GFM1: variants seen among roughly 807,000 people sequenced by gnomAD.
GFM1 encodes the protein G elongation factor mitochondrial 1, also known as elongation factor G, mitochondrial.
In GFM1, 62 loss-of-function variants were observed where a neutral mutation model predicts 96.2. The observed-to-expected ratio is 0.64, with a 90% CI of 0.53 to 0.80. GFM1 has a LOEUF of 0.80. Among genes scored for constraint, GFM1 ranks in the 30% least tolerant of loss-of-function variants. GFM1 has a pLI of 0.00. For synonymous variants in GFM1, 282 were observed against 312.9 expected (o/e 0.90, Z 1.04); for missense variants, 852 against 916.6 (o/e 0.93, Z 0.91).
chr3:158,670,859 G>A (rs1321955098), intron 13 of GFM1: 9 of 1,300,724 alleles, frequency 6.9e-6, no homozygotes, highest in African/African-American at 3.1e-5. Flanking sequence ...GCCTGAGCCC[G>A]GGAAGTTGAG....
intron 13 of GFM1, among the ~76,000 whole-genome samples, chr3:158,668,721 G>A (rs559171915): frequency 7.2e-5 from 11 of 152,234 alleles, no homozygotes; most frequent in Non-Finnish European, 1.5e-4. Flanking sequence ...AACTAACAAA[G>A]CACAGTTATT....
intron 5 of GFM1, 123 bp from the exon 6 acceptor site, chr3:158,651,973 G>T: frequency 1.3e-6 from 1 of 773,376 alleles, no homozygotes; most frequent in Non-Finnish European, 2.2e-6. Context: ...CCATTTGAAT[G>T]CAAATGTATC....
At chr3:158,658,574 C>A (rs185759558) in intron 8 of GFM1, among the ~76,000 whole-genome samples, 1 of 152,082 alleles carries the variant, frequency 6.6e-6, no homozygotes, top group Admixed American at 6.6e-5. Flanking sequence ...TCCAAGTATA[C>A]CTTTTTTTTG....
chr3:158,648,857 T>G (rs914715723), intron 4 of GFM1, among the ~76,000 whole-genome samples, 184 bp from the exon 5 acceptor site: 2 of 152,180 alleles, frequency 1.3e-5, no homozygotes, highest in African/African-American at 4.8e-5. Context: ...TGTGGCTTCC[T>G]GAGCTCCTTG....
intron 2 of GFM1, 176 bp from the exon 3 acceptor site, chr3:158,645,989 C>A: frequency 1.1e-6 from 1 of 882,722 alleles, no homozygotes; most frequent in Non-Finnish European, 1.8e-6. Flanking sequence ...CACTTTGTTG[C>A]TCAGGCTGGT....
At chr3:158,645,481 G>T in intron 1 of GFM1, 148 bp from the exon 2 acceptor site, 1 of 709,766 alleles carries the variant, frequency 1.4e-6, no homozygotes. Context: ...AGAGTTCCAG[G>T]CTTAAAGGTT....
At chr3:158,678,311 C>T (rs1364320995) in intron 13 of GFM1, among the ~76,000 whole-genome samples, 7 of 152,098 alleles carry the variant, frequency 4.6e-5, no homozygotes, top group African/African-American at 7.2e-5. Flanking sequence ...TTTTGTAAGG[C>T]GATCGCTGCC....
intron 13 of GFM1, chr3:158,669,458 T>C (rs1286815437): frequency 1.8e-5 from 29 of 1,612,890 alleles, no homozygotes; most frequent in Non-Finnish European, 2.4e-5. Flanking sequence ...CTTCTAGCGG[T>C]TCCTTCATGG....
intron 9 of GFM1, 63 bp from the exon 10 acceptor site, chr3:158,660,811 T>A: frequency 7.2e-7 from 1 of 1,393,892 alleles, no homozygotes; most frequent in African/African-American, 1.4e-5. Context: ...AGTTTACTTT[T>A]TAGTTACCAC....
chr3:158,647,191 T>C (rs1194792350), intron 4 of GFM1, among the ~76,000 whole-genome samples: 1 of 152,194 alleles, frequency 6.6e-6, no homozygotes, highest in Non-Finnish European at 1.5e-5. Flanking sequence ...TGAAGATGAA[T>C]TCAGAAAACA....
chr3:158,675,933 T>G (rs6441219), intron 13 of GFM1, among the ~76,000 whole-genome samples: 63,193 of 152,054 alleles, frequency 0.42, 14,279 homozygotes, highest in African/African-American at 0.6. Context: ...ATATGTGTTG[T>G]TTTGCCACCT....
chr3:158,672,401 C>A, intron 13 of GFM1: 1 of 1,614,062 alleles, frequency 6.2e-7, no homozygotes, highest in Non-Finnish European at 8.5e-7. Context: ...TGTGCGGGGT[C>A]CCCTGCTGGT....
rs752520679 is a variant in GFM1 at position 158,658,966 on chromosome 3, A to G, written c.1128A>G (p.Gly376=). ...TAACTTATGTTCGCAGTTATCAGGG[A>G]GAGCTAAAGAAGGGTGACACCATCT... ...GQLTYVRSYQ[G]ELKKGDTIYN... Residue 376 remains glycine, a synonymous_variant, in exon 9 of 18, where the codon GGA becomes GGG. Transcript: ENST00000486715. The G allele has an allele frequency of 6.2e-7, 1 of 1,614,132 alleles. No individual in the cohort carries two copies. Among genetic ancestry groups the G allele is most frequent in the Non-Finnish European group, 8.5e-7 (1 of 1,179,996 alleles).
intron 13 of GFM1, chr3:158,672,417 A>G: frequency 6.2e-7 from 1 of 1,613,920 alleles, no homozygotes. Flanking sequence ...CTGGTAGTTG[A>G]TGTAGTTCTG....
intron 13 of GFM1, among the ~76,000 whole-genome samples, chr3:158,676,216 G>A (rs1419970107): frequency 1.3e-5 from 2 of 152,172 alleles, no homozygotes; most frequent in Non-Finnish European, 2.9e-5. Flanking sequence ...GCGATGAGCC[G>A]AGATTGCACC....
intron 4 of GFM1, among the ~76,000 whole-genome samples, chr3:158,647,896 T>C (rs1317537767): frequency 1.3e-5 from 2 of 152,200 alleles, no homozygotes; most frequent in African/African-American, 2.4e-5. Context: ...ATAAAGCAGA[T>C]AAAAATCTGG....
At chr3:158,657,013 C>G (rs1440546251) in intron 8 of GFM1, 1 of 152,064 alleles carries the variant, frequency 6.6e-6, no homozygotes, top group Non-Finnish European at 1.5e-5. Context: ...GTATTAGAAA[C>G]CAAGATTTGG....
At chr3:158,685,644 T>A (rs1056985907) in intron 15 of GFM1, among the ~76,000 whole-genome samples, 3 of 152,188 alleles carry the variant, frequency 2.0e-5, no homozygotes, top group Non-Finnish European at 1.5e-5. Flanking sequence ...ATTTTACTTA[T>A]GTTTCAGTTT....
Position 158,652,563 on chromosome 3 carries a change from T to C in GFM1, c.840+317T>C, listed in dbSNP as rs186196590. ...TTGTTGGTTGTGGCCACAGCACTATTGTTGGCCTCTTCCAGCTGCTAGAGC... is the reference window on the plus strand; with the variant it reads ...TTGTTGGTTGTGGCCACAGCACTATCGTTGGCCTCTTCCAGCTGCTAGAGC... On this transcript the variant is annotated intron_variant, in intron 6 of 17. Transcript: ENST00000486715. 5.1e-3 allele frequency among the ~76,000 whole-genome samples: 783 copies of C among 152,196 alleles called. 7 individuals are homozygous for C. The highest frequency in any genetic ancestry group is 0.018 in the African/African-American group (756 of 41,506).
Sources: allele counts gnomAD v4.1 joint callset (sites outside exome capture counted in the v4.1 genomes callset), GRCh38; gene constraint gnomAD v4.1.1; transcripts MANE v1.5; gene names NCBI Gene and HGNC (gene_info 2026-07-23, HGNC 2026-07-21).